KIAA0825: variants seen among roughly 807,000 people sequenced by gnomAD.
KIAA0825 encodes uncharacterized protein KIAA0825.
In KIAA0825, 119 loss-of-function variants were observed where a neutral mutation model predicts 147.6. The ratio of observed to expected loss-of-function variants is 0.81; its 90% confidence interval spans 0.69 to 0.94. The LOEUF is 0.94. KIAA0825 is among the 40% of genes least tolerant of loss of function. The pLI is 0.00. For missense variants in KIAA0825, 1,381 were observed against 1,472.7 expected (o/e 0.94, Z 1.02); for synonymous variants, 470 against 518.1 (o/e 0.91, Z 1.26).
chr5:94,543,961 T>C (rs1005011351), intron 2 of KIAA0825, among the ~76,000 whole-genome samples: 8 of 152,306 alleles, frequency 5.3e-5, no homozygotes, highest in East Asian at 1.9e-4. Context: ...GAAATAACCA[T>C]AAAAATGGGC....
At chr5:94,552,123 A>G (rs1775663839) in intron 2 of KIAA0825, among the ~76,000 whole-genome samples, 1 of 152,168 alleles carries the variant, frequency 6.6e-6, no homozygotes, top group Admixed American at 6.5e-5. Context: ...AAATAGCTAT[A>G]GTTATATCAG....
chr5:94,447,197 C>A (rs1757836402), intron 13 of KIAA0825, among the ~76,000 whole-genome samples: 2 of 151,824 alleles, frequency 1.3e-5, no homozygotes, highest in Admixed American at 6.6e-5. Context: ...ATGGTTGGTA[C>A]CCATATATTA....
intron 14 of KIAA0825, among the ~76,000 whole-genome samples, chr5:94,427,360 C>T (rs971349624): frequency 6.6e-6 from 1 of 151,978 alleles, no homozygotes; most frequent in South Asian, 2.1e-4. Context: ...ATAGCAAGAT[C>T]CCATCTCTAC....
At chr5:94,293,939 GTTTTTTGTTTGTTTTTGT>G (rs1778022188) in intron 20 of KIAA0825, among the ~76,000 whole-genome samples, 1 of 151,808 alleles carries the variant, frequency 6.6e-6, no homozygotes, top group Admixed American at 6.6e-5. Context: ...TGTAACCCCT[GTTTTTTGTTTGTTTTTGT>G]TTTTTTTGCT....
intron 12 of KIAA0825, among the ~76,000 whole-genome samples, chr5:94,455,095 A>G (rs1012489750): frequency 6.6e-6 from 1 of 152,154 alleles, no homozygotes; most frequent in Non-Finnish European, 1.5e-5. Flanking sequence ...CTGATACAGC[A>G]CATACAAGAG....
rs1218950821 is a variant in KIAA0825, at chr5:94,520,633, G to A, written c.585C>T (p.Cys195=). 6.2e-7 allele frequency: 1 copy of A among 1,613,346 alleles called. No homozygotes were observed. The highest frequency in any genetic ancestry group is 1.1e-5 in the South Asian group (1 of 91,058). ...SQQKILLKKQ[C]LQQLLFLYPE... is the part of the protein sequence containing the mutation. The stretch of plus-strand genomic sequence containing the variant: ...GATAAAGAAACAAGAGTTGTTGTAA[G>A]CACTGCTTTTTCAATAAAATTTTTT... Residue 195 remains cysteine (C), a synonymous_variant, in exon 5 of 21, where the codon TGC becomes TGT. Coordinates refer to ENST00000682413, the MANE Select transcript of KIAA0825 (RefSeq NM_001145678.3).
At chr5:94,597,748 T>A (rs1585002766) in intron 1 of KIAA0825, among the ~76,000 whole-genome samples, 1 of 152,172 alleles carries the variant, frequency 6.6e-6, no homozygotes, top group Non-Finnish European at 1.5e-5. Context: ...TAGCCTACTA[T>A]ATACCTAGGC....
chr5:94,292,249 A>T (rs1421383304), intron 20 of KIAA0825, among the ~76,000 whole-genome samples: 1 of 152,166 alleles, frequency 6.6e-6, no homozygotes, highest in Non-Finnish European at 1.5e-5. Flanking sequence ...TCGGTTTGTC[A>T]TAAATAGCTC....
chr5:94,243,879 C>T (rs555860618), intron 20 of KIAA0825, among the ~76,000 whole-genome samples: 49 of 152,290 alleles, frequency 3.2e-4, no homozygotes, highest in African/African-American at 1.1e-3. Context: ...GTTTTTACCA[C>T]AAAATTGAGC....
intron 20 of KIAA0825, among the ~76,000 whole-genome samples, chr5:94,308,242 C>T (rs532912741): frequency 6.6e-6 from 1 of 151,890 alleles, no homozygotes; most frequent in South Asian, 2.1e-4. Context: ...GGGGCAGTCA[C>T]TCCATGACCT....
chr5:94,514,069 A>C (rs971805923), intron 5 of KIAA0825, among the ~76,000 whole-genome samples: 2 of 152,174 alleles, frequency 1.3e-5, no homozygotes, highest in African/African-American at 4.8e-5. Context: ...AAGATAAGTC[A>C]AATAAATAAA....
At chr5:94,203,156 T>C (rs1301984701) in intron 20 of KIAA0825, among the ~76,000 whole-genome samples, 2 of 152,206 alleles carry the variant, frequency 1.3e-5, no homozygotes, top group African/African-American at 4.8e-5. Context: ...ATAGAGTGCA[T>C]AAATGCTTCG....
intron 20 of KIAA0825, among the ~76,000 whole-genome samples, chr5:94,196,801 A>T (rs1234503437): frequency 1.3e-5 from 2 of 151,866 alleles, no homozygotes; most frequent in Admixed American, 6.6e-5. Flanking sequence ...ACATTATTTC[A>T]TTTTTTTTAC....
intron 20 of KIAA0825, among the ~76,000 whole-genome samples, chr5:94,303,665 C>T (rs1778542222): frequency 6.6e-6 from 1 of 152,084 alleles, no homozygotes; most frequent in Non-Finnish European, 1.5e-5. Flanking sequence ...GTCATCACAA[C>T]AAAAACAACT....
chr5:94,218,681 C>T (rs1296650726), intron 20 of KIAA0825, among the ~76,000 whole-genome samples: 2 of 152,110 alleles, frequency 1.3e-5, no homozygotes, highest in African/African-American at 4.8e-5. Flanking sequence ...AATTGGAGTG[C>T]CTTGTCCATG....
At chr5:94,572,212 T>C (rs955737126) in intron 2 of KIAA0825, among the ~76,000 whole-genome samples, 1 of 152,058 alleles carries the variant, frequency 6.6e-6, no homozygotes, top group Non-Finnish European at 1.5e-5. Flanking sequence ...CACGGGCACA[T>C]CAACTGGCCA....
intron 15 of KIAA0825, 82 bp downstream of exon 15, chr5:94,417,119 T>A (rs936994548): frequency 3.1e-6 from 4 of 1,294,216 alleles, no homozygotes; most frequent in Admixed American, 2.0e-5. Context: ...AAAACCAGTA[T>A]CAATACAACT....
intron 20 of KIAA0825, among the ~76,000 whole-genome samples, chr5:94,311,751 C>T (rs1779206002): frequency 6.6e-6 from 1 of 151,706 alleles, no homozygotes; most frequent in South Asian, 2.1e-4. Flanking sequence ...AATCCAACAT[C>T]ACTCACTTCA....
At chr5:94,232,956 T>A (rs945826560) in intron 20 of KIAA0825, among the ~76,000 whole-genome samples, 3 of 152,160 alleles carry the variant, frequency 2.0e-5, no homozygotes, top group African/African-American at 4.8e-5. Context: ...TAGAATATTT[T>A]AAAAAATATT....
Sources: gnomAD v4.1 joint callset for allele counts (sites outside exome capture counted in the v4.1 genomes callset) on GRCh38, gnomAD v4.1.1 for gene constraint, MANE v1.5 for transcripts, NCBI Gene and HGNC (gene_info 2026-07-23, HGNC 2026-07-21) for gene names.